MAP4: variants seen among roughly 807,000 people sequenced by gnomAD.
The protein encoded by MAP4 is microtubule-associated protein 4.
In MAP4, 76 loss-of-function variants were observed where a neutral mutation model predicts 170.2. That is an observed-to-expected ratio of 0.45 (90% CI 0.37 to 0.54). MAP4 has a LOEUF of 0.54. Among genes scored for constraint, MAP4 ranks in the 20% least tolerant of loss-of-function variants. The pLI is 0.00. For missense variants in MAP4, 2,506 were observed against 2,748.0 expected, an observed-to-expected ratio of 0.91 and a Z score of 1.97; for synonymous variants, 909 against 994.5, an observed-to-expected ratio of 0.91 and a Z score of 1.62.
chr3:47,962,988 A>G (rs939712744), intron 3 of MAP4, among the ~76,000 whole-genome samples: 1 of 152,152 alleles, frequency 6.6e-6, no homozygotes, highest in South Asian at 2.1e-4. Context: ...ATTGCTGAAA[A>G]CCCACTGGAG....
At chr3:47,902,549 C>T (rs1462696866) in intron 10 of MAP4, among the ~76,000 whole-genome samples, 2 of 151,768 alleles carry the variant, frequency 1.3e-5, no homozygotes, top group Non-Finnish European at 2.9e-5. Flanking sequence ...TGACACATGC[C>T]TATAATCCCA....
At chr3:47,899,935 G>A (rs886626399) in intron 10 of MAP4, among the ~76,000 whole-genome samples, 7 of 152,190 alleles carry the variant, frequency 4.6e-5, no homozygotes, top group African/African-American at 9.7e-5. Context: ...CCCAGTACAT[G>A]TACTGGCAGA....
chr3:47,885,641 T>C (rs2097457599), intron 10 of MAP4, among the ~76,000 whole-genome samples: 1 of 152,218 alleles, frequency 6.6e-6, no homozygotes, highest in South Asian at 2.1e-4. Context: ...TATGTACTTT[T>C]AGTCAAAAAC....
chr3:48,031,711 C>T (rs1265060054), intron 1 of MAP4, among the ~76,000 whole-genome samples: 1 of 152,022 alleles, frequency 6.6e-6, no homozygotes, highest in Non-Finnish European at 1.5e-5. Context: ...GGCAACAGAG[C>T]AAGACTCTTT....
intron 1 of MAP4, among the ~76,000 whole-genome samples, chr3:48,050,457 G>A (rs1429901985): frequency 1.3e-5 from 2 of 149,744 alleles, no homozygotes; most frequent in Non-Finnish European, 3.0e-5. Context: ...TAATAAATGT[G>A]AAAAAAAAAT....
chr3:47,970,375 C>T (rs2100077874), intron 3 of MAP4, among the ~76,000 whole-genome samples: 1 of 152,084 alleles, frequency 6.6e-6, no homozygotes, highest in South Asian at 2.1e-4. Context: ...ATCCCAGCTA[C>T]TTGGGAGGCT....
chr3:48,043,281 A>C (rs2154536918), intron 1 of MAP4, among the ~76,000 whole-genome samples: 1 of 152,168 alleles, frequency 6.6e-6, no homozygotes, highest in South Asian at 2.1e-4. Flanking sequence ...TTGTATGTTT[A>C]GTAGAGACGG....
rs374556358 is a variant in MAP4 at position 47,870,983 on chromosome 3, G to A, written c.6124C>T (p.Arg2042Trp). The A allele has an allele frequency of 1.1e-5, 18 of 1,613,248 alleles. No homozygotes were observed. Among genetic ancestry groups the A allele is most frequent in the African/African-American group, 1.3e-5 (1 of 74,930 alleles). ...SRVKATPMPSRPSTTPFIDKK... is the reference protein window; with the variant it reads ...SRVKATPMPSWPSTTPFIDKK... ...TCTATGAAAGGAGTTGTGGAGGGCC[G>A]GGAGGGCATGGGTGTGGCCTTGACT... is the stretch of plus-strand genomic sequence containing the variant. The change falls in exon 15 of 21, where the codon CGG (arginine) becomes TGG (tryptophan). Residue 2042 changes from arginine (R) to tryptophan (W), a missense_variant. Transcript: ENST00000683076.
At position 47,952,126 on chromosome 3, in the gene MAP4, C is replaced by T. The variant is rs2100064612; in HGVS notation, c.293-23776G>A. Among the ~76,000 whole-genome samples the T allele has an allele frequency of 3.3e-5, 5 of 150,784 alleles. No individual in the cohort carries two copies. In the South Asian group the frequency reaches 8.4e-4, roughly 25 times the overall value. ...ACCCTCCGCCCGGCAGCTGCCCCGT[C>T]TGAGAAGTGAGGAGCCCCTCCGCCC... On this transcript the variant is annotated intron_variant, in intron 3 of 20. Transcript: ENST00000683076.
intron 1 of MAP4, among the ~76,000 whole-genome samples, chr3:48,015,205 T>C (rs1282926154): frequency 6.7e-6 from 1 of 149,802 alleles, no homozygotes. Flanking sequence ...TTTAAATAAT[T>C]ATTACTAAAG....
intron 1 of MAP4, among the ~76,000 whole-genome samples, chr3:48,062,863 T>G (rs2100136553): frequency 6.6e-6 from 1 of 150,950 alleles, no homozygotes; most frequent in Admixed American, 6.6e-5. Context: ...GGCGGGAGGT[T>G]GTTGTGAGCC....
At chr3:47,934,348 G>A (rs1434444667) in intron 3 of MAP4, among the ~76,000 whole-genome samples, 1 of 152,078 alleles carries the variant, frequency 6.6e-6, no homozygotes, top group Non-Finnish European at 1.5e-5. Context: ...TGTCTCCCAG[G>A]CTGGAATCCA....
intron 12 of MAP4, 142 bp from the exon 13 acceptor site, chr3:47,872,242 G>T: frequency 1.4e-6 from 1 of 721,462 alleles, no homozygotes; most frequent in Non-Finnish European, 2.2e-6. Context: ...GGAGTGCAGT[G>T]GCATGATCTC....
At chr3:48,027,250 A>C (rs1330763614) in intron 1 of MAP4, among the ~76,000 whole-genome samples, 1 of 152,248 alleles carries the variant, frequency 6.6e-6, no homozygotes, top group African/African-American at 2.4e-5. Flanking sequence ...TAAATTCTCC[A>C]GTTTACTCTC....
intron 1 of MAP4, among the ~76,000 whole-genome samples, chr3:48,066,429 T>C (rs1019282343): frequency 2.6e-5 from 4 of 152,166 alleles, no homozygotes; most frequent in South Asian, 4.1e-4. Context: ...CTTTGATATA[T>C]AGTTAGCCCT....
At chr3:47,955,542 T>C (rs1275388195) in intron 3 of MAP4, among the ~76,000 whole-genome samples, 1 of 151,786 alleles carries the variant, frequency 6.6e-6, no homozygotes, top group Non-Finnish European at 1.5e-5. Context: ...GCAAATACGT[T>C]AGATGCTTTA....
chr3:47,974,966 G>A, intron 3 of MAP4: 1 of 986,396 alleles, frequency 1.0e-6, no homozygotes, highest in Non-Finnish European at 1.2e-6. Flanking sequence ...AAGGAGGAGG[G>A]AGAAGAAAAG....
chr3:47,918,934 TTG>T, intron 5 of MAP4, 93 bp from the exon 6 acceptor site: 1 of 1,184,054 alleles, frequency 8.4e-7, no homozygotes, highest in Non-Finnish European at 1.2e-6. Context: ...TTTGTTTTGT[TTG>T]TTTTTTTTTT....
chr3:47,920,646 G>T (rs915984839), intron 5 of MAP4, among the ~76,000 whole-genome samples: 1 of 151,740 alleles, frequency 6.6e-6, no homozygotes, highest in African/African-American at 2.4e-5. Context: ...CGACCTTCTG[G>T]GCTCAAGCAA....
Sources: allele counts gnomAD v4.1 joint callset (sites outside exome capture counted in the v4.1 genomes callset), GRCh38; gene constraint gnomAD v4.1.1; transcripts MANE v1.5; gene names NCBI Gene and HGNC (gene_info 2026-07-23, HGNC 2026-07-21).